FAP: variants seen among roughly 807,000 people sequenced by gnomAD.
The protein encoded by FAP is fibroblast activation protein alpha.
FAP carries 110 observed loss-of-function variants against 126.5 expected under a neutral mutation model. The ratio of observed to expected loss-of-function variants is 0.87; its 90% CI spans 0.74 to 1.02. The LOEUF (loss-of-function observed/expected upper bound fraction) is 1.02, where lower values mean the gene tolerates loss of function less well. Ranked by LOEUF, FAP falls within the 50% of genes least tolerant of loss-of-function variation. The pLI is 0.00. For missense variants in FAP, 919 were observed against 909.2 expected (o/e 1.01, Z -0.14); for synonymous variants, 334 against 297.3 (o/e 1.12, Z -1.27).
intron 2 of FAP, among the ~76,000 whole-genome samples, chr2:162,235,128 C>A (rs1208420320): frequency 6.6e-6 from 1 of 151,732 alleles, no homozygotes; most frequent in Non-Finnish European, 1.5e-5. Flanking sequence ...CTCTCCCACT[C>A]CCCCCACTCC....
At chr2:162,203,977 C>T (rs1378744686) in intron 12 of FAP, among the ~76,000 whole-genome samples, 1 of 151,926 alleles carries the variant, frequency 6.6e-6, no homozygotes, top group Non-Finnish European at 1.5e-5. Context: ...ACTTTTTTTC[C>T]CCATTGGTCA....
chr2:162,208,849 A>G (rs1240367748), intron 12 of FAP, among the ~76,000 whole-genome samples: 1 of 150,092 alleles, frequency 6.7e-6, no homozygotes, highest in East Asian at 1.9e-4. Context: ...TGAATTACAT[A>G]CTTATCTTTA....
chr2:162,215,474 A>T (rs1689126432), intron 10 of FAP, among the ~76,000 whole-genome samples: 1 of 152,212 alleles, frequency 6.6e-6, no homozygotes, highest in African/African-American at 2.4e-5. Flanking sequence ...GATAAATGAG[A>T]ATAGCCTGCT....
In FAP at chr2:162,188,174, A is replaced by G. The variant is rs1413741162; in HGVS notation, c.1809T>C (p.Ala603=). The G allele has an allele frequency of 1.9e-6, 3 of 1,612,186 alleles. No individual in the cohort carries two copies. The highest frequency in any genetic ancestry group is 2.5e-6 in the Non-Finnish European group (3 of 1,178,666). Reference sequence around the variant, plus strand: ...TTGAATGAGAAGGTGCTCACCTGACAGCTGTAATCTGGTCTTCAACTTCAT... The same window carrying G: ...TTGAATGAGAAGGTGCTCACCTGACGGCTGTAATCTGGTCTTCAACTTCAT... ...GVYEVEDQIT[A]VRKFIEMGFI... Residue 603 remains alanine, a synonymous_variant, in exon 20 of 26, where the codon GCT becomes GCC. Coordinates refer to ENST00000188790, the MANE Select transcript of FAP (RefSeq NM_004460.5).
Position 162,171,184 on chromosome 2 carries a change from G to A in FAP, c.2182-104C>T, listed in dbSNP as rs929428386. On this transcript the variant is annotated intron_variant, in intron 25 of 25. Transcript: ENST00000188790. ...GACCTGATAATCTTTCTATTATGGG[G>A]AAACTGTACCTAAGAACACTCAAAT... 3 of 757,138 alleles carry A rather than the reference G, an allele frequency of 4.0e-6. No homozygotes were observed. In the African/African-American group the frequency reaches 5.3e-5, roughly 13 times the overall value. 46.9% of individuals were successfully genotyped at this position (757,138 alleles called of 1,614,324 possible). A position where few individuals can be genotyped will look rare whatever the true frequency, so the allele number is the denominator to read the frequency against.
At chr2:162,171,315 T>A (rs772170551) in intron 25 of FAP, 14 of 383,396 alleles carry the variant, frequency 3.7e-5, no homozygotes, top group Non-Finnish European at 6.7e-5. Context: ...GTGGCTGAGA[T>A]CTCGCATCAT....
At chr2:162,178,950 G>A (rs1687585523) in intron 21 of FAP, among the ~76,000 whole-genome samples, 1 of 152,074 alleles carries the variant, frequency 6.6e-6, no homozygotes, top group Non-Finnish European at 1.5e-5. Flanking sequence ...ACACAGATAT[G>A]ACCTCTTCCA....
At position 162,202,954 on chromosome 2, in the gene FAP, CA is replaced by C; in HGVS notation, c.1153-13del. 6.2e-7 allele frequency: 1 copy of C among 1,611,562 alleles called. No homozygotes were observed. The highest frequency in any genetic ancestry group is 8.5e-7 in the Non-Finnish European group (1 of 1,177,744). Reference sequence around the variant, plus strand: ...TGAATAGCATTTTCCTATAAAAAGACAAACATTATGTTGTGTGAAACTGAGC... The same window carrying C: ...TGAATAGCATTTTCCTATAAAAAGACAACATTATGTTGTGTGAAACTGAGC... On this transcript the variant is annotated splice_polypyrimidine_tract_variant and intron_variant, in intron 13 of 25. Coordinates refer to ENST00000188790, the MANE Select transcript of FAP (RefSeq NM_004460.5).
At chr2:162,173,661 C>T (rs1231241680) in intron 23 of FAP, 62 bp downstream of exon 23, 6 of 1,145,856 alleles carry the variant, frequency 5.2e-6, no homozygotes, top group South Asian at 3.9e-5. Context: ...TGAACTACTG[C>T]TTTTAAGTTA....
In FAP at chr2:162,190,262, C is replaced by T. The variant is rs577274527; in HGVS notation, c.1451-508G>A. On this transcript the variant is annotated intron_variant, in intron 17 of 25. Transcript: ENST00000188790. ...ATTTTTAAAATCTTTCTTTCTTACG[C>T]TTTCCTGTTGTACTTGATTAATAAA... 3.2e-4 allele frequency among the ~76,000 whole-genome samples: 49 copies of T among 152,098 alleles called. No homozygotes were observed. In the South Asian group the frequency reaches 0.01, roughly 32 times the overall value.
rs1690437967 is a variant in FAP at position 162,243,423 on chromosome 2, T to C, written c.-96A>G. ...TTGAAAAGGACCAAGTCTGTCTTTG[T>C]AGTTGGAAGCTGAAGCCAGGACAAG... On this transcript the variant is annotated 5_prime_UTR_variant, in exon 1 of 26. Coordinates refer to ENST00000188790, the MANE Select transcript of FAP (RefSeq NM_004460.5). 6.6e-7 allele frequency: 1 copy of C among 1,512,614 alleles called. No homozygotes were observed. Among genetic ancestry groups the C allele is most frequent in the South Asian group, 1.3e-5 (1 of 75,344 alleles). The allele number at this position is 1,512,614 out of a possible 1,614,324, so 93.7% of individuals were successfully genotyped here. A position where few individuals can be genotyped will look rare whatever the true frequency, so the allele number is the denominator to read the frequency against.
chr2:162,224,391 C>T, intron 5 of FAP, 75 bp downstream of exon 5: 1 of 829,774 alleles, frequency 1.2e-6, no homozygotes, highest in Non-Finnish European at 2.0e-6. Context: ...CTCTTGCTTT[C>T]TCTCACTTTT....
chr2:162,219,951 C>T, intron 6 of FAP, 26 bp from the exon 7 acceptor site: 1 of 1,511,850 alleles, frequency 6.6e-7, no homozygotes, highest in Admixed American at 1.7e-5. Flanking sequence ...GAAAGAAAAA[C>T]AACAAACCTT....
In FAP at chr2:162,232,072, G is replaced by A. The variant is rs374887329; in HGVS notation, c.92-5451C>T. Among the ~76,000 whole-genome samples the A allele has an allele frequency of 5.3e-5, 8 of 151,982 alleles. No homozygotes were observed. In the East Asian group the frequency reaches 1.3e-3, roughly 26 times the overall value. ...TTGTTTCCGGAGTGAGCACCACAGG[G>A]GCAAGGACAGGAAGTATTAGGATGG... On this transcript the variant is annotated intron_variant, in intron 2 of 25. Transcript: ENST00000188790.
At chr2:162,197,867 A>T in intron 16 of FAP, 1 of 336,720 alleles carries the variant, frequency 3.0e-6, no homozygotes, top group Non-Finnish European at 5.8e-6. Flanking sequence ...AAGTACTCTA[A>T]CTCTCAGCCC....
intron 2 of FAP, among the ~76,000 whole-genome samples, chr2:162,230,767 G>A (rs1328503623): frequency 1.3e-5 from 2 of 152,026 alleles, no homozygotes; most frequent in Non-Finnish European, 2.9e-5. Flanking sequence ...ATCTCTGGGG[G>A]GTGGGGTCCT....
At chr2:162,216,564 T>G (rs755423054) in intron 9 of FAP, among the ~76,000 whole-genome samples, 2 of 152,216 alleles carry the variant, frequency 1.3e-5, no homozygotes, top group African/African-American at 2.4e-5. Flanking sequence ...CCATGAGATT[T>G]ATACTTTTCT....
chr2:162,241,315 A>G (rs1230059633), intron 2 of FAP, among the ~76,000 whole-genome samples: 2 of 152,254 alleles, frequency 1.3e-5, no homozygotes, highest in Non-Finnish European at 2.9e-5. Context: ...TACGACGTAT[A>G]TTTATATGTA....
At chr2:162,178,527 C>T (rs1019806297) in intron 21 of FAP, among the ~76,000 whole-genome samples, 1 of 152,168 alleles carries the variant, frequency 6.6e-6, no homozygotes, top group African/African-American at 2.4e-5. Flanking sequence ...TCCCAAGGAG[C>T]AAAATCGCCC....
Sources: gnomAD v4.1 joint callset for allele counts (sites outside exome capture counted in the v4.1 genomes callset) on GRCh38, gnomAD v4.1.1 for gene constraint, MANE v1.5 for transcripts, NCBI Gene and HGNC (gene_info 2026-07-23, HGNC 2026-07-21) for gene names.